Variants in FBXL20 observed in about 807,000 individuals in gnomAD.
The protein encoded by FBXL20 is F-box and leucine rich repeat protein 20.
A neutral mutation model predicts 64.0 loss-of-function variants in FBXL20; 11 were observed. The observed-to-expected ratio is 0.17, with a 90% CI of 0.11 to 0.28. FBXL20 has a LOEUF of 0.28. Among genes scored for constraint, FBXL20 ranks in the 10% least tolerant of loss-of-function variants. The pLI, the probability that FBXL20 is intolerant of heterozygous loss-of-function variation, is 1.00. For synonymous variants in FBXL20, 184 were observed against 189.0 expected (o/e 0.97, Z 0.22); for missense variants, 303 against 526.2 (o/e 0.58, Z 4.15).
At chr17:39,351,086 G>A (rs138798589) in intron 1 of FBXL20, among the ~76,000 whole-genome samples, 1 of 152,104 alleles carries the variant, frequency 6.6e-6, no homozygotes, top group Non-Finnish European at 1.5e-5. Context: ...TGTAATCCCA[G>A]CACTTTGGGA....
At chr17:39,303,975 C>A (rs1009988102) in intron 2 of FBXL20, among the ~76,000 whole-genome samples, 11 of 152,224 alleles carry the variant, frequency 7.2e-5, no homozygotes, top group African/African-American at 2.6e-4. Context: ...TGCACCTGGT[C>A]AGTATGATAA....
chr17:39,357,658 C>A (rs1308125502), intron 1 of FBXL20, among the ~76,000 whole-genome samples: 1 of 152,186 alleles, frequency 6.6e-6, no homozygotes, highest in Non-Finnish European at 1.5e-5. Context: ...AGCGAAGCTG[C>A]CTCAGCCTCC....
At position 39,358,389 on chromosome 17, in the gene FBXL20, GATGGC is replaced by G. The variant is rs373394281; in HGVS notation, c.43-15153_43-15149del. Among the ~76,000 whole-genome samples the G allele has an allele frequency of 2.0e-4, 31 of 152,306 alleles. No homozygotes were observed. In the East Asian group the frequency reaches 5.0e-3, roughly 25 times the overall value. ...TTCGGGCATCCCTTAGCCTTCTCAA[GATGGC>G]ATATAAGGCCAGGAGCAGTGGCTCA... On this transcript the variant is annotated intron_variant, in intron 1 of 14. Coordinates refer to ENST00000264658, the MANE Select transcript of FBXL20 (RefSeq NM_032875.3).
chr17:39,402,374 T>C (rs527481241), upstream of FBXL20: 94 of 459,800 alleles, frequency 2.0e-4, no homozygotes, highest in East Asian at 3.2e-4. Flanking sequence ...GGCCGGACGC[T>C]TGTCTCCCTG....
chr17:39,273,253 T>C (rs1019390622), intron 10 of FBXL20, among the ~76,000 whole-genome samples: 1 of 152,074 alleles, frequency 6.6e-6, no homozygotes, highest in Non-Finnish European at 1.5e-5. Flanking sequence ...TGACCTCAGA[T>C]GATCCGCCCG....
At chr17:39,294,023 T>C (rs937655413) in intron 6 of FBXL20, among the ~76,000 whole-genome samples, 1 of 152,072 alleles carries the variant, frequency 6.6e-6, no homozygotes, top group Non-Finnish European at 1.5e-5. Flanking sequence ...ATTCATTTGC[T>C]TCTCAGTCTT....
intron 1 of FBXL20, among the ~76,000 whole-genome samples, chr17:39,353,230 T>C (rs534440351): frequency 1.3e-5 from 2 of 152,320 alleles, no homozygotes; most frequent in East Asian, 1.9e-4. Context: ...CAGCTAAACT[T>C]AGTAATACAT....
chr17:39,372,301 A>AG (rs2144637586), intron 1 of FBXL20, among the ~76,000 whole-genome samples: 2 of 151,906 alleles, frequency 1.3e-5, no homozygotes, highest in Admixed American at 1.3e-4. Context: ...CAGGTGGATC[A>AG]CAAGGTCAAG....
intron 1 of FBXL20, among the ~76,000 whole-genome samples, chr17:39,382,780 C>T (rs747671650): frequency 6.6e-6 from 1 of 151,906 alleles, no homozygotes; most frequent in African/African-American, 2.4e-5. Flanking sequence ...TTGCAGGCTG[C>T]AGTGAGCTAT....
At chr17:39,313,907 T>G (rs915229350) in intron 2 of FBXL20, among the ~76,000 whole-genome samples, 1 of 152,238 alleles carries the variant, frequency 6.6e-6, no homozygotes, top group African/African-American at 2.4e-5. Context: ...AGTGCTGGGA[T>G]TACAGGCATG....
intron 6 of FBXL20, among the ~76,000 whole-genome samples, chr17:39,287,541 G>C (rs1253861997): frequency 6.6e-6 from 1 of 152,036 alleles, no homozygotes; most frequent in Non-Finnish European, 1.5e-5. Context: ...TGAGTAGCAA[G>C]GACTACAGAT....
intron 6 of FBXL20, among the ~76,000 whole-genome samples, chr17:39,289,810 A>T (rs920656080): frequency 6.6e-6 from 1 of 151,794 alleles, no homozygotes; most frequent in African/African-American, 2.4e-5. Flanking sequence ...GCCTGGCCAA[A>T]ATGGTGAAAC....
intron 2 of FBXL20, among the ~76,000 whole-genome samples, chr17:39,304,780 CTTTT>C (rs1262688850): frequency 6.6e-6 from 1 of 151,586 alleles, no homozygotes; most frequent in Non-Finnish European, 1.5e-5. Flanking sequence ...TGTTGTTGTT[CTTTT>C]TGTTTGTTTG....
At chr17:39,346,065 T>G (rs570853178) in intron 1 of FBXL20, among the ~76,000 whole-genome samples, 19 of 152,116 alleles carry the variant, frequency 1.2e-4, no homozygotes, top group African/African-American at 4.3e-4. Context: ...CTCATGCCTG[T>G]AAGCCCAGCA....
At chr17:39,318,553 G>A (rs1567877779) in intron 2 of FBXL20, among the ~76,000 whole-genome samples, 2 of 151,924 alleles carry the variant, frequency 1.3e-5, no homozygotes. Flanking sequence ...CCAGCCTGAC[G>A]AACATGGAGA....
At chr17:39,383,000 C>CAA (rs1003346474) in intron 1 of FBXL20, among the ~76,000 whole-genome samples, 2 of 136,950 alleles carry the variant, frequency 1.5e-5, no homozygotes, top group African/African-American at 5.3e-5. Flanking sequence ...ACTAAAAATA[C>CAA]AAAAAAAAAA....
chr17:39,263,873 GCTT>G (rs2046768987), intron 14 of FBXL20: 10 of 226,052 alleles, frequency 4.4e-5, no homozygotes, highest in Admixed American at 1.6e-4. Flanking sequence ...TGTGGCATGT[GCTT>G]TTTTTTTTTT....
At position 39,261,231 on chromosome 17, in the gene FBXL20, T is replaced by A. The variant is rs1445852504; in HGVS notation, c.*229A>T. On this transcript the variant is annotated 3_prime_UTR_variant, in exon 15 of 15. Transcript: ENST00000264658. ...GAATGGTTAAATTTTACCAATCTAC[T>A]TGATAAAAAAGCCATCACAAACTTC... 1 of 447,760 alleles carries A rather than the reference T, an allele frequency of 2.2e-6. No individual in the cohort carries two copies. Among genetic ancestry groups the A allele is most frequent in the Non-Finnish European group, 4.1e-6 (1 of 246,130 alleles). 27.7% of individuals were successfully genotyped at this position (447,760 alleles called of 1,614,324 possible).
At chr17:39,304,515 G>A (rs1316103980) in intron 2 of FBXL20, among the ~76,000 whole-genome samples, 1 of 152,056 alleles carries the variant, frequency 6.6e-6, no homozygotes, top group East Asian at 1.9e-4. Flanking sequence ...GTTTTGAACT[G>A]CTGAGCTCAA....
Sources: allele counts gnomAD v4.1 joint callset (sites outside exome capture counted in the v4.1 genomes callset), GRCh38; gene constraint gnomAD v4.1.1; transcripts MANE v1.5; gene names NCBI Gene and HGNC (gene_info 2026-07-23, HGNC 2026-07-21).